The following CDH13 variants were observed in gnomAD, a reference collection of about 807,000 sequenced individuals.
CDH13 encodes cadherin 13.
CDH13 carries 24 observed loss-of-function variants against 63.8 expected under a neutral mutation model. The observed-to-expected ratio is 0.38, with a 90% confidence interval of 0.27 to 0.53. The LOEUF is 0.53. CDH13 is among the 20% of genes least tolerant of loss of function. CDH13 has a pLI of 0.85. For missense variants in CDH13, 1,049 were observed against 903.1 expected (o/e 1.16, Z -2.07); for synonymous variants, 503 against 355.3 (o/e 1.42, Z -4.67).
chr16:83,413,708 C>T (rs570074731), intron 6 of CDH13, among the ~76,000 whole-genome samples: 71 of 152,290 alleles, frequency 4.7e-4, no homozygotes, highest in African/African-American at 1.5e-3. Flanking sequence ...CTGCTGTCTG[C>T]AGTGCACGGT....
chr16:83,032,296 T>A, intron 3 of CDH13, 78 bp downstream of exon 3: 1 of 1,072,232 alleles, frequency 9.3e-7, no homozygotes, highest in Non-Finnish European at 1.4e-6. Context: ...AATGGGTCTT[T>A]AATTTATTAT....
chr16:83,469,559 C>G (rs1299149204), intron 6 of CDH13, among the ~76,000 whole-genome samples: 2 of 152,168 alleles, frequency 1.3e-5, no homozygotes, highest in African/African-American at 4.8e-5. Context: ...CAGATGCTTT[C>G]AGGGCAACCT....
intron 2 of CDH13, among the ~76,000 whole-genome samples, chr16:82,974,076 C>T (rs956476032): frequency 5.9e-5 from 9 of 152,150 alleles, no homozygotes; most frequent in African/African-American, 2.2e-4. Flanking sequence ...GCACCCACTA[C>T]CATGCCCAGC....
At chr16:83,248,494 T>A (rs1201460980) in intron 5 of CDH13, among the ~76,000 whole-genome samples, 1 of 152,142 alleles carries the variant, frequency 6.6e-6, no homozygotes, top group African/African-American at 2.4e-5. Flanking sequence ...GTTAGTAACT[T>A]AAAATGAAAG....
At chr16:82,686,451 TTGTA>T (rs1288280425) in intron 1 of CDH13, among the ~76,000 whole-genome samples, 2 of 152,032 alleles carry the variant, frequency 1.3e-5, no homozygotes, top group Admixed American at 1.3e-4. Flanking sequence ...TCAACGGAGA[TTGTA>T]TGGGAGAGGA....
intron 6 of CDH13, among the ~76,000 whole-genome samples, chr16:83,404,393 G>T (rs1014938822): frequency 6.6e-6 from 1 of 152,166 alleles, no homozygotes; most frequent in African/African-American, 2.4e-5. Flanking sequence ...CACTGGTTAT[G>T]CTTATAACGT....
intron 5 of CDH13, among the ~76,000 whole-genome samples, chr16:83,233,598 G>T (rs1181112408): frequency 6.6e-6 from 1 of 152,096 alleles, no homozygotes; most frequent in Non-Finnish European, 1.5e-5. Context: ...ACTTTTGGGG[G>T]CCACCTGCAT....
chr16:83,633,802 C>T (rs1304380932), intron 8 of CDH13, among the ~76,000 whole-genome samples: 2 of 152,104 alleles, frequency 1.3e-5, no homozygotes, highest in African/African-American at 4.8e-5. Flanking sequence ...AGCCCAAGTG[C>T]AAAGTAGATT....
chr16:83,032,289 G>C (rs1339133148), intron 3 of CDH13, 71 bp downstream of exon 3: 3 of 1,172,094 alleles, frequency 2.6e-6, no homozygotes, highest in Admixed American at 2.1e-5. Context: ...TGTGGAAAAT[G>C]GGTCTTTAAT....
At chr16:83,368,601 G>C (rs2091298460) in intron 6 of CDH13, among the ~76,000 whole-genome samples, 1 of 151,668 alleles carries the variant, frequency 6.6e-6, no homozygotes. Flanking sequence ...TGATTTCTGA[G>C]ATTTTGGTGT....
At chr16:83,300,598 G>A (rs2089710789) in intron 5 of CDH13, among the ~76,000 whole-genome samples, 2 of 152,186 alleles carry the variant, frequency 1.3e-5, no homozygotes, top group Non-Finnish European at 2.9e-5. Context: ...GGCAGGGTCT[G>A]GGGACGCAGT....
intron 2 of CDH13, among the ~76,000 whole-genome samples, chr16:82,945,647 C>A (rs1048286858): frequency 6.6e-6 from 1 of 152,000 alleles, no homozygotes; most frequent in African/African-American, 2.4e-5. Context: ...TGTGAAGATA[C>A]CGCAGGATGA....
intron 6 of CDH13, among the ~76,000 whole-genome samples, chr16:83,409,230 C>G (rs545505209): frequency 4.0e-5 from 6 of 150,734 alleles, no homozygotes; most frequent in Admixed American, 4.0e-4. Context: ...AACGCATAAG[C>G]TTCAGAGAAA....
chr16:83,659,785 C>CTT lies in CDH13; in HGVS notation c.1102-10987_1102-10986dup, dbSNP rs35285231. On this transcript the variant is annotated intron_variant, in intron 8 of 13. Transcript: ENST00000567109. ...ATGAGTTAGAGCAGCAGTCCACAAC[C>CTT]TTTTTTTTTTTTTTTTTTTGAGATG... 3.1e-3 allele frequency among the ~76,000 whole-genome samples: 386 copies of CTT among 122,900 alleles called. 9 individuals are homozygous for CTT. The highest frequency in any genetic ancestry group is 5.8e-3 in the African/African-American group (183 of 31,684). 80.6% of individuals were successfully genotyped at this position (122,900 alleles called of 152,430 possible).
chr16:82,804,746 G>A (rs907342435), intron 1 of CDH13, among the ~76,000 whole-genome samples: 1 of 152,012 alleles, frequency 6.6e-6, no homozygotes. Context: ...TCCCCAAATA[G>A]GTATCTCACA....
intron 6 of CDH13, among the ~76,000 whole-genome samples, chr16:83,361,824 C>T (rs979875588): frequency 4.6e-5 from 7 of 152,046 alleles, no homozygotes; most frequent in East Asian, 1.9e-4. Flanking sequence ...TTTTAGTTAC[C>T]GTATGCTTAC....
intron 5 of CDH13, among the ~76,000 whole-genome samples, chr16:83,222,775 G>A (rs2039734475): frequency 6.6e-6 from 1 of 152,126 alleles, no homozygotes; most frequent in African/African-American, 2.4e-5. Context: ...GTAGCCATTA[G>A]GATTGCCCAA....
At chr16:82,697,461 ACT>A (rs1484138690) in intron 1 of CDH13, among the ~76,000 whole-genome samples, 2 of 114,764 alleles carry the variant, frequency 1.7e-5, no homozygotes, top group East Asian at 5.2e-4. Flanking sequence ...ACAGAGTCTC[ACT>A]CTGTCACTGG....
intron 5 of CDH13, among the ~76,000 whole-genome samples, chr16:83,224,201 C>CAT (rs113798591): frequency 4.6e-5 from 7 of 152,224 alleles, no homozygotes; most frequent in African/African-American, 1.4e-4. Flanking sequence ...ACTATTCTAC[C>CAT]ATATATATAT....
Sources: allele counts gnomAD v4.1 joint callset (sites outside exome capture counted in the v4.1 genomes callset), GRCh38; gene constraint gnomAD v4.1.1; transcripts MANE v1.5; gene names NCBI Gene and HGNC (gene_info 2026-07-23, HGNC 2026-07-21).